ZNF438: variants seen among roughly 807,000 people sequenced by gnomAD.
ZNF438 encodes the protein zinc finger protein 438.
In ZNF438, 25 loss-of-function variants were observed where a neutral mutation model predicts 38.0. The ratio of observed to expected loss-of-function variants is 0.66; its 90% CI spans 0.48 to 0.92. ZNF438 has a LOEUF of 0.92. ZNF438 is among the 40% of genes least tolerant of loss of function. The pLI, the probability that ZNF438 is intolerant of heterozygous loss-of-function variation, is 0.00. For missense variants in ZNF438, 1,007 were observed against 999.6 expected, an observed-to-expected ratio of 1.01 and a Z score of -0.10; for synonymous variants, 372 against 364.1, an observed-to-expected ratio of 1.02 and a Z score of -0.25.
intron 1 of ZNF438, among the ~76,000 whole-genome samples, chr10:31,027,724 C>T (rs2057033364): frequency 6.6e-6 from 1 of 152,096 alleles, no homozygotes; most frequent in Non-Finnish European, 1.5e-5. Flanking sequence ...GCTACAAGAG[C>T]AGATTTAAAA....
chr10:30,864,430 G>T (rs925206519), intron 4 of ZNF438, among the ~76,000 whole-genome samples: 3 of 152,156 alleles, frequency 2.0e-5, no homozygotes, highest in African/African-American at 7.2e-5. Context: ...AAAAGGAGCT[G>T]CTCAGCTCCA....
At chr10:31,020,715 T>TTAA (rs2133274150) in intron 1 of ZNF438, among the ~76,000 whole-genome samples, 1 of 60,640 alleles carries the variant, frequency 1.6e-5, no homozygotes, top group Non-Finnish European at 3.3e-5. Flanking sequence ...TGAATATCTT[T>TTAA]TAGTAAACAA....
chr10:30,848,731 A>G (rs767028694), exon 5 of ZNF438: 1 of 1,614,126 alleles, frequency 6.2e-7, no homozygotes, highest in Non-Finnish European at 8.5e-7. Context: ...GGTTCTCACC[A>G]TGATGAAGTT....
intron 4 of ZNF438, among the ~76,000 whole-genome samples, chr10:30,868,086 T>TTTA (rs2036769872): frequency 6.6e-6 from 1 of 151,932 alleles, no homozygotes; most frequent in Admixed American, 6.6e-5. Context: ...TTTTTTTTTT[T>TTTA]GAGACGGAGT....
intron 1 of ZNF438, among the ~76,000 whole-genome samples, chr10:30,967,377 A>T (rs945617981): frequency 6.6e-6 from 1 of 152,242 alleles, no homozygotes; most frequent in Non-Finnish European, 1.5e-5. Flanking sequence ...GTTACAGTTA[A>T]GCTGCTTTGC....
exon 5 of ZNF438, chr10:30,850,113 G>T: frequency 6.2e-7 from 1 of 1,614,112 alleles, no homozygotes; most frequent in Non-Finnish European, 8.5e-7. Flanking sequence ...GCAACATGTG[G>T]CAGAGCAACA....
intron 4 of ZNF438, among the ~76,000 whole-genome samples, chr10:30,851,030 A>G (rs746460772): frequency 4.6e-5 from 7 of 152,208 alleles, no homozygotes; most frequent in Non-Finnish European, 8.8e-5. Flanking sequence ...TTCTTCTCAC[A>G]CCTTTCAAAC....
intron 4 of ZNF438, chr10:30,875,241 A>G: frequency 1.0e-6 from 1 of 985,350 alleles, no homozygotes. Context: ...CTGTGATGAG[A>G]AGCAAAGCAG....
At chr10:30,883,409 TATC>T (rs2039529115) in intron 3 of ZNF438, among the ~76,000 whole-genome samples, 1 of 152,174 alleles carries the variant, frequency 6.6e-6, no homozygotes, top group Non-Finnish European at 1.5e-5. Context: ...CCATCATCAT[TATC>T]ATCATCCTCA....
exon 5 of ZNF438, chr10:30,849,318 G>T: frequency 1.2e-6 from 2 of 1,614,136 alleles, no homozygotes; most frequent in Non-Finnish European, 8.5e-7. Flanking sequence ...TTGGTGGGTG[G>T]ACAAAAGGCA....
intron 2 of ZNF438, chr10:30,919,336 G>A (rs74346533): frequency 0.083 from 12,654 of 151,764 alleles, 605 homozygotes; most frequent in Non-Finnish European, 0.11. Context: ...CTTCCCCTTT[G>A]AAGTATTTTC....
intron 1 of ZNF438, among the ~76,000 whole-genome samples, chr10:30,980,113 G>A (rs78284382): frequency 0.022 from 3,287 of 152,272 alleles, 117 homozygotes; most frequent in African/African-American, 0.074. Flanking sequence ...TGTGTGGCTA[G>A]AGGAGAGTGA....
intron 4 of ZNF438, among the ~76,000 whole-genome samples, chr10:30,851,528 G>A (rs2033628886): frequency 6.6e-6 from 1 of 152,250 alleles, no homozygotes; most frequent in African/African-American, 2.4e-5. Flanking sequence ...GGAGGAAGAT[G>A]TGGTTTGGAA....
chr10:30,858,971 C>A (rs999871079), intron 4 of ZNF438, among the ~76,000 whole-genome samples: 6 of 152,170 alleles, frequency 3.9e-5, no homozygotes, highest in African/African-American at 1.4e-4. Context: ...AATACTGTTT[C>A]TTTAATATTA....
In ZNF438 at chr10:30,906,304, G is replaced by A. The variant is rs538674511; in HGVS notation, c.-32+2629C>T. Among the ~76,000 whole-genome samples the A allele has an allele frequency of 2.0e-4, 30 of 152,164 alleles. 1 individual carries two copies. In the South Asian group the frequency reaches 2.1e-3, roughly 11 times the overall value. ...CTTATTTGTAAATATTTATTCCTGC[G>A]TATTCTGTTTAATGCTACTGCCAAC... On this transcript the variant is annotated intron_variant, in intron 3 of 5. Transcript: ENST00000413025.
chr10:31,019,989 T>C (rs1273763715), intron 1 of ZNF438, among the ~76,000 whole-genome samples: 2 of 152,238 alleles, frequency 1.3e-5, no homozygotes, highest in East Asian at 1.9e-4. Context: ...AAGGCTTTTA[T>C]TGAAGAACAT....
At chr10:30,968,597 C>G (rs11008317) in intron 1 of ZNF438, among the ~76,000 whole-genome samples, 2 of 151,914 alleles carry the variant, frequency 1.3e-5, no homozygotes, top group South Asian at 4.2e-4. Flanking sequence ...ACATGCACCA[C>G]CACACCTGGC....
At chr10:30,902,814 C>T (rs1469822606) in intron 3 of ZNF438, among the ~76,000 whole-genome samples, 2 of 152,238 alleles carry the variant, frequency 1.3e-5, no homozygotes, top group African/African-American at 4.8e-5. Context: ...GCCCGCACTC[C>T]TCAGCCCTTG....
chr10:30,906,593 C>CGT (rs2042608998), intron 3 of ZNF438, among the ~76,000 whole-genome samples: 1 of 152,184 alleles, frequency 6.6e-6, no homozygotes, highest in Non-Finnish European at 1.5e-5. Flanking sequence ...CTTAGAACCT[C>CGT]CAGTACAAAG....
Sources: allele counts gnomAD v4.1 joint callset (sites outside exome capture counted in the v4.1 genomes callset), GRCh38; gene constraint gnomAD v4.1.1; transcripts MANE v1.5; gene names NCBI Gene and HGNC (gene_info 2026-07-23, HGNC 2026-07-21).